Variants in SPAST observed in about 807,000 individuals in gnomAD.
SPAST encodes the protein spastic paraplegia 4 (autosomal dominant; spastin).
SPAST carries 30 observed loss-of-function variants against 76.6 expected under a neutral mutation model. The ratio of observed to expected loss-of-function variants is 0.39; its 90% CI spans 0.29 to 0.53. The LOEUF (loss-of-function observed/expected upper bound fraction) is 0.53, where lower values mean the gene tolerates loss of function less well. Ranked by LOEUF, SPAST falls within the 20% of genes least tolerant of loss-of-function variation. The probability of loss-of-function intolerance (pLI) is 0.68; values close to 1 mark genes in which losing one functional copy is unlikely to be tolerated. For missense variants in SPAST, 717 were observed against 770.5 expected (o/e 0.93, Z 0.82); for synonymous variants, 305 against 281.0 (o/e 1.09, Z -0.86).
In SPAST at chr2:32,082,559, G is replaced by A. The variant is rs180843061; in HGVS notation, c.416-4933G>A. On this transcript the variant is annotated intron_variant, in intron 1 of 16. Coordinates refer to ENST00000315285, the MANE Select transcript of SPAST (RefSeq NM_014946.4). Reference sequence around the variant, plus strand: ...TAAAAATACAAAATTAGCCGGGCGTGGTGGCACGTGCCTTTCATCCCAGCT... The same window carrying A: ...TAAAAATACAAAATTAGCCGGGCGTAGTGGCACGTGCCTTTCATCCCAGCT... Among the ~76,000 whole-genome samples, 90 of 152,122 alleles carry A rather than the reference G, an allele frequency of 5.9e-4. 1 individual carries two copies. The East Asian group carries it at 0.015, about 25-fold the overall frequency.
Position 32,147,266 on chromosome 2 carries a change from AT to A in SPAST, c.1728+12del, listed in dbSNP as rs753616234. 1 of 1,566,204 alleles carries A rather than the reference AT, an allele frequency of 6.4e-7. No individual in the cohort carries two copies. The highest frequency in any genetic ancestry group is 8.7e-7 in the Non-Finnish European group (1 of 1,143,550). On this transcript the variant is annotated intron_variant, in intron 16 of 16. Transcript: ENST00000315285. ...AATATGTCTGCCAGTGAGGTATAGTATTTTACAATGATATTTTCTTTGTCTT... is the reference window on the plus strand; with the variant it reads ...AATATGTCTGCCAGTGAGGTATAGTATTTACAATGATATTTTCTTTGTCTT...
At chr2:32,131,056 CATCACTATGA>C (rs1258137939) in intron 9 of SPAST, among the ~76,000 whole-genome samples, 3 of 152,186 alleles carry the variant, frequency 2.0e-5, no homozygotes, top group African/African-American at 7.2e-5. Flanking sequence ...AAGTAGCCTC[CATCACTATGA>C]TAGAGATAGC....
intron 7 of SPAST, among the ~76,000 whole-genome samples, chr2:32,117,646 C>G (rs1252766593): frequency 6.6e-6 from 1 of 151,332 alleles, no homozygotes; most frequent in Non-Finnish European, 1.5e-5. Flanking sequence ...ATTCTCATGC[C>G]TCATCCTCCT....
intron 9 of SPAST, 54 bp downstream of exon 9, chr2:32,128,533 C>G: frequency 9.1e-7 from 1 of 1,095,138 alleles, no homozygotes; most frequent in Non-Finnish European, 1.4e-6. Flanking sequence ...CTAAATGTTA[C>G]TGTGTTAACT....
rs931391628 is a variant in SPAST, at chr2:32,063,889, G to C, written c.58G>C (p.Val20Leu). ...AGGCTCCGGCGGCGCCAGCAACCCG[G>C]TGCCTCCCAGGCCTCCGCCCCCTTG... Reference protein sequence around the residue: ...KKGSGGASNPVPPRPPPPCLA... With the variant: ...KKGSGGASNPLPPRPPPPCLA... The change falls in exon 1 of 17, where the codon GTG becomes CTG. Residue 20 changes from valine to leucine, a missense_variant. By Grantham distance (32) the Val-to-Leu change is conservative (BLOSUM62 1). Coordinates refer to ENST00000315285, the MANE Select transcript of SPAST (RefSeq NM_014946.4). 6.3e-7 allele frequency: 1 copy of C among 1,583,136 alleles called. No individual in the cohort carries two copies. The highest frequency in any genetic ancestry group is 8.6e-7 in the Non-Finnish European group (1 of 1,167,356).
In SPAST at chr2:32,116,141, G is replaced by C; in HGVS notation, c.1027G>C (p.Asp343His). The C allele has an allele frequency of 1.2e-6, 2 of 1,613,190 alleles. No homozygotes were observed. The highest frequency in any genetic ancestry group is 8.5e-7 in the Non-Finnish European group (1 of 1,179,360). The change falls in exon 7 of 17, where the codon GAT becomes CAT. Residue 343 changes from aspartate to histidine, a missense_variant. By Grantham distance (81) the Asp-to-His change is moderately conservative. Around this residue, in one of 3 missense-constraint regions of SPAST, gnomAD observed 543 missense variants for 445.2 expected, o/e 1.22. Coordinates refer to ENST00000315285, the MANE Select transcript of SPAST (RefSeq NM_014946.4). The stretch of plus-strand genomic sequence containing the variant: ...TAGTGGAACAGCTGTTAAATTTGAT[G>C]ATATAGCTGGTCAAGACTTGGCAAA... ...VDNGTAVKFD[D>H]IAGQDLAKQA... is the part of the protein sequence containing the mutation.
At chr2:32,127,357 G>T in intron 8 of SPAST, 1 of 329,888 alleles carries the variant, frequency 3.0e-6, no homozygotes, top group Non-Finnish European at 5.9e-6. Context: ...ACCTCAAGCA[G>T]TCCTCCTACC....
At chr2:32,118,340 C>T (rs1678911580) in intron 7 of SPAST, among the ~76,000 whole-genome samples, 2 of 152,130 alleles carry the variant, frequency 1.3e-5, no homozygotes, top group African/African-American at 2.4e-5. Flanking sequence ...ACTTATTACT[C>T]ATTCTAAGTA....
intron 4 of SPAST, among the ~76,000 whole-genome samples, chr2:32,110,108 T>C (rs922187956): frequency 1.2e-5 from 1 of 82,940 alleles, no homozygotes; most frequent in Non-Finnish European, 2.7e-5. Flanking sequence ...TTTTTTGTTT[T>C]TTTTTTTTGT....
At chr2:32,072,522 C>G (rs564430053) in intron 1 of SPAST, among the ~76,000 whole-genome samples, 1 of 152,226 alleles carries the variant, frequency 6.6e-6, no homozygotes, top group African/African-American at 2.4e-5. Flanking sequence ...GTCCAACCCC[C>G]ACTTCTCATT....
intron 1 of SPAST, among the ~76,000 whole-genome samples, chr2:32,079,903 T>A (rs1677134214): frequency 6.6e-6 from 1 of 152,218 alleles, no homozygotes; most frequent in South Asian, 2.1e-4. Flanking sequence ...AACATTGGTC[T>A]AAATATCTGT....
chr2:32,125,879 C>T (rs922405528), intron 7 of SPAST, among the ~76,000 whole-genome samples: 6 of 152,108 alleles, frequency 3.9e-5, no homozygotes, highest in Non-Finnish European at 5.9e-5. Context: ...AATACACGCT[C>T]CGCCTCCCGG....
At chr2:32,090,610 A>G (rs1290505940) in intron 3 of SPAST, among the ~76,000 whole-genome samples, 1 of 152,272 alleles carries the variant, frequency 6.6e-6, no homozygotes, top group East Asian at 1.9e-4. Context: ...ACTATTTTTT[A>G]ATAATTTGTT....
chr2:32,076,026 G>A (rs555789271), intron 1 of SPAST, among the ~76,000 whole-genome samples: 1 of 149,166 alleles, frequency 6.7e-6, no homozygotes, highest in African/African-American at 2.5e-5. Context: ...TCAGCCTCTC[G>A]AACAGCTGAG....
chr2:32,125,835 C>T (rs1180943122), intron 7 of SPAST, among the ~76,000 whole-genome samples: 1 of 152,062 alleles, frequency 6.6e-6, no homozygotes, highest in African/African-American at 2.4e-5. Context: ...TGCTCTGTCG[C>T]CCGGGTTGGA....
At chr2:32,127,304 G>C (rs756722834) in intron 8 of SPAST, 21 of 400,940 alleles carry the variant, frequency 5.2e-5, no homozygotes, top group Non-Finnish European at 8.9e-5. Flanking sequence ...TTTTGGCAGA[G>C]ACAGGATTTC....
rs773005853 is a variant in SPAST, at chr2:32,087,471, AAAT to A, written c.416-17_416-15del. 4.1e-6 allele frequency: 6 copies of A among 1,472,900 alleles called. No homozygotes were observed. Among genetic ancestry groups the A allele is most frequent in the Non-Finnish European group, 5.7e-6 (6 of 1,054,170 alleles). The allele number at this position is 1,472,900 out of a possible 1,614,324, so 91.2% of individuals were successfully genotyped here. On this transcript the variant is annotated intron_variant, in intron 1 of 16. Coordinates refer to ENST00000315285, the MANE Select transcript of SPAST (RefSeq NM_014946.4). ...AGTGTACTCTTCATACGATCTATAC[AAAT>A]AATTTTTTATTTTAAAGCAGGACAG...
intron 16 of SPAST, among the ~76,000 whole-genome samples, chr2:32,150,950 A>T (rs1053213209): frequency 2.9e-5 from 3 of 101,980 alleles, no homozygotes; most frequent in Non-Finnish European, 6.1e-5. Context: ...TCTACTGTAT[A>T]CTTTTTTTTT....
intron 7 of SPAST, among the ~76,000 whole-genome samples, chr2:32,117,259 T>A (rs1054525661): frequency 7.2e-5 from 11 of 151,834 alleles, no homozygotes; most frequent in Non-Finnish European, 1.6e-4. Flanking sequence ...CTCAAAAAAA[T>A]AAATAAAAAT....
Sources: gnomAD v4.1 joint callset for allele counts (sites outside exome capture counted in the v4.1 genomes callset) on GRCh38, gnomAD v4.1.1 for gene constraint, gnomAD v4.1.1 regional missense constraint, MANE v1.5 for transcripts, NCBI Gene and HGNC (gene_info 2026-07-23, HGNC 2026-07-21) for gene names.